The following XPO7 variants were observed in gnomAD, a reference collection of about 807,000 sequenced individuals.
XPO7 encodes the protein exportin-7.
Under a neutral mutation model 144.3 loss-of-function variants are expected in XPO7, and 21 were observed. The ratio of observed to expected loss-of-function variants is 0.15; its 90% CI spans 0.10 to 0.21. XPO7 has a LOEUF of 0.21. Ranked by LOEUF, XPO7 falls within the 10% of genes least tolerant of loss-of-function variation. The probability of loss-of-function intolerance (pLI) is 1.00; values close to 1 mark genes in which losing one functional copy is unlikely to be tolerated. For missense variants in XPO7, 808 were observed against 1,325.8 expected (o/e 0.61, Z 6.06); for synonymous variants, 580 against 499.6 (o/e 1.16, Z -2.15).
Position 21,970,364 on chromosome 8 carries a change from A to C in XPO7, c.426+54A>C, listed in dbSNP as rs542040451. ...AATGGGAGAACCAGCATATACATAT[A>C]TATAAACACACACACACACACACAC... On this transcript the variant is annotated intron_variant, in intron 4 of 27. Transcript: ENST00000252512. 6.7e-6 allele frequency: 10 copies of C among 1,489,944 alleles called. No homozygotes were observed. The East Asian group carries it at 1.9e-4, about 28-fold the overall frequency. The allele number at this position is 1,489,944 out of a possible 1,614,324, so 92.3% of individuals were successfully genotyped here. A position where few individuals can be genotyped will look rare whatever the true frequency, so the allele number is the denominator to read the frequency against.
At chr8:21,964,325 G>A (rs1384143728) in intron 1 of XPO7, 1 of 152,132 alleles carries the variant, frequency 6.6e-6, no homozygotes, top group Non-Finnish European at 1.5e-5. Context: ...AGAGTGCTGT[G>A]GTGTGTAGTC....
chr8:21,942,659 C>A (rs1368805264), intron 1 of XPO7, among the ~76,000 whole-genome samples: 1 of 152,182 alleles, frequency 6.6e-6, no homozygotes, highest in Non-Finnish European at 1.5e-5. Context: ...TTCAATACTT[C>A]TTCAACAAGT....
intron 8 of XPO7, among the ~76,000 whole-genome samples, chr8:21,978,593 CAA>C (rs1812301505): frequency 6.6e-6 from 1 of 152,118 alleles, no homozygotes; most frequent in African/African-American, 2.4e-5. Flanking sequence ...GTAGCACAGT[CAA>C]GAGGGATGAT....
At chr8:21,984,514 A>C in intron 11 of XPO7, 132 bp from the exon 12 acceptor site, 1 of 830,586 alleles carries the variant, frequency 1.2e-6, no homozygotes, top group Non-Finnish European at 1.8e-6. Context: ...TTCCTTGGTT[A>C]AAAGTAATGT....
intron 1 of XPO7, among the ~76,000 whole-genome samples, chr8:21,952,335 C>T (rs571855113): frequency 6.6e-6 from 1 of 151,738 alleles, no homozygotes; most frequent in South Asian, 2.1e-4. Context: ...GAAGCAAATG[C>T]TTGATTGAGC....
intron 1 of XPO7, among the ~76,000 whole-genome samples, chr8:21,948,946 C>T (rs188808268): frequency 6.6e-6 from 1 of 152,316 alleles, no homozygotes; most frequent in East Asian, 1.9e-4. Flanking sequence ...TGTATAGACT[C>T]ATCCATAGTT....
intron 25 of XPO7, 90 bp downstream of exon 25, chr8:22,002,362 T>G (rs1813179824): frequency 6.9e-7 from 1 of 1,448,064 alleles, no homozygotes; most frequent in Admixed American, 2.2e-5. Context: ...ACGATTAACA[T>G]GACATCTCAT....
chr8:21,992,027 CTGAT>C, intron 19 of XPO7, 53 bp downstream of exon 19: 1 of 1,458,890 alleles, frequency 6.9e-7, no homozygotes, highest in Non-Finnish European at 9.5e-7. Flanking sequence ...AGGGCAGTCT[CTGAT>C]TGAAAATCGT....
rs760550353 is a variant in XPO7 at position 21,998,742 on chromosome 8, G to A, written c.2346-13G>A. On this transcript the variant is annotated splice_polypyrimidine_tract_variant and intron_variant, in intron 21 of 27. Transcript: ENST00000252512. Reference sequence around the variant, plus strand: ...CACCTCTGACTTTTTCTCCTCCTGTGCTCTCTGCTCAGGTCCCAGCGACTC... The same window carrying A: ...CACCTCTGACTTTTTCTCCTCCTGTACTCTCTGCTCAGGTCCCAGCGACTC... The A allele has an allele frequency of 5.0e-6, 8 of 1,613,284 alleles. No homozygotes were observed. Among genetic ancestry groups the A allele is most frequent in the Non-Finnish European group, 6.8e-6 (8 of 1,179,584 alleles).
At chr8:21,966,767 T>G in intron 1 of XPO7, 90 bp from the exon 2 acceptor site, 1 of 1,495,102 alleles carries the variant, frequency 6.7e-7, no homozygotes, top group Non-Finnish European at 8.9e-7. Context: ...CTTTACTGAT[T>G]ATTATTTATC....
chr8:21,994,330 T>C, intron 19 of XPO7, 33 bp from the exon 20 acceptor site: 1 of 1,565,662 alleles, frequency 6.4e-7, no homozygotes. Flanking sequence ...TGTCTTTTCT[T>C]CTATTTTAAC....
In XPO7 at chr8:22,003,136, T is replaced by C. The variant is rs151147927; in HGVS notation, c.2944-83T>C. On this transcript the variant is annotated intron_variant, in intron 25 of 27. Coordinates refer to ENST00000252512, the MANE Select transcript of XPO7 (RefSeq NM_015024.5). ...TACAGAAAAGGCCTTCAGCCTAATATACTCCTGTATTTGGAATCTGTCGTT... is the reference window on the plus strand; with the variant it reads ...TACAGAAAAGGCCTTCAGCCTAATACACTCCTGTATTTGGAATCTGTCGTT... The C allele has an allele frequency of 9.7e-5, 102 of 1,053,450 alleles. No homozygotes were observed. In the African/African-American group the frequency reaches 1.4e-3, roughly 14 times the overall value. 65.3% of individuals were successfully genotyped at this position (1,053,450 alleles called of 1,614,324 possible).
chr8:21,997,847 G>T (rs139292858), intron 21 of XPO7, among the ~76,000 whole-genome samples: 15 of 152,244 alleles, frequency 9.9e-5, no homozygotes, highest in Middle Eastern at 3.4e-3. Flanking sequence ...AGTGTGGTGG[G>T]GGGGAGGAAG....
chr8:21,979,950 T>C (rs1032061923), intron 8 of XPO7, 134 bp from the exon 9 acceptor site: 146 of 1,150,552 alleles, frequency 1.3e-4, no homozygotes, highest in Non-Finnish European at 1.6e-4. Context: ...ATCTATGTTC[T>C]TTTCTTTTCT....
intron 1 of XPO7, among the ~76,000 whole-genome samples, chr8:21,956,195 T>TA (rs984645744): frequency 3.7e-4 from 57 of 152,356 alleles, no homozygotes; most frequent in African/African-American, 1.3e-3. Context: ...TATAGCCTTC[T>TA]ATGCTGGAGC....
chr8:21,992,102 T>C (rs1812791712), intron 19 of XPO7, 128 bp downstream of exon 19: 2 of 594,700 alleles, frequency 3.4e-6, no homozygotes, highest in Non-Finnish European at 5.7e-6. Flanking sequence ...TCTAGGGTTT[T>C]GGAATTGCAG....
At chr8:21,929,334 G>A (rs1424233889) in intron 1 of XPO7, among the ~76,000 whole-genome samples, 1 of 152,226 alleles carries the variant, frequency 6.6e-6, no homozygotes, top group East Asian at 1.9e-4. Flanking sequence ...TCAGATGTGT[G>A]TGAATGCAAA....
At chr8:21,986,080 C>G (rs569850887) in intron 13 of XPO7, among the ~76,000 whole-genome samples, 11 of 151,520 alleles carry the variant, frequency 7.3e-5, no homozygotes, top group Non-Finnish European at 1.3e-4. Context: ...TTTCAAATCT[C>G]TTGGCCATAC....
At chr8:21,978,696 G>A (rs969087664) in intron 8 of XPO7, among the ~76,000 whole-genome samples, 1 of 152,206 alleles carries the variant, frequency 6.6e-6, no homozygotes, top group African/African-American at 2.4e-5. Context: ...CAGTAGTGGG[G>A]AGCCTCAAAG....
Sources: gnomAD v4.1 joint callset for allele counts (sites outside exome capture counted in the v4.1 genomes callset) on GRCh38, gnomAD v4.1.1 for gene constraint, MANE v1.5 for transcripts, NCBI Gene and HGNC (gene_info 2026-07-23, HGNC 2026-07-21) for gene names.